Variants in CERS6 observed in about 807,000 individuals in gnomAD.
CERS6 encodes the protein LAG1 homolog, ceramide synthase 6.
Under a neutral mutation model 56.8 loss-of-function variants are expected in CERS6, and 26 were observed. The observed-to-expected ratio is 0.46, with a 90% CI of 0.34 to 0.63. CERS6 has a LOEUF of 0.63. Ranked by LOEUF, CERS6 falls within the 30% of genes least tolerant of loss-of-function variation. The pLI, the probability that CERS6 is intolerant of heterozygous loss-of-function variation, is 0.01. For synonymous variants in CERS6, 164 were observed against 173.3 expected, an observed-to-expected ratio of 0.95 and a Z score of 0.42; for missense variants, 415 against 467.5, an observed-to-expected ratio of 0.89 and a Z score of 1.04.
chr2:168,688,219 T>G (rs1042410548), intron 4 of CERS6, among the ~76,000 whole-genome samples: 1 of 152,202 alleles, frequency 6.6e-6, no homozygotes, highest in Non-Finnish European at 1.5e-5. Context: ...ATATTTCATC[T>G]TTTTAAGTTC....
chr2:168,486,518 G>GT (rs1491580943), intron 1 of CERS6, among the ~76,000 whole-genome samples: 10 of 136,254 alleles, frequency 7.3e-5, no homozygotes, highest in Admixed American at 2.3e-4. Flanking sequence ...GTCTAGATTT[G>GT]GTTTTGTTTT....
intron 3 of CERS6, among the ~76,000 whole-genome samples, chr2:168,568,151 A>G (rs967666497): frequency 1.3e-5 from 2 of 152,248 alleles, no homozygotes; most frequent in African/African-American, 4.8e-5. Context: ...TACCTTGGTC[A>G]GGCTGGCTGC....
At chr2:168,494,729 G>A (rs1028419163) in intron 1 of CERS6, among the ~76,000 whole-genome samples, 6 of 152,070 alleles carry the variant, frequency 3.9e-5, no homozygotes, top group African/African-American at 1.4e-4. Context: ...GTGGTGGCAG[G>A]CTGGACAGGA....
intron 4 of CERS6, among the ~76,000 whole-genome samples, chr2:168,688,355 C>T (rs8179763): frequency 0.021 from 3,216 of 150,734 alleles, 142 homozygotes; most frequent in East Asian, 0.19. Flanking sequence ...ATCATTTGAA[C>T]GCAGGAGGCA....
rs187043291 is a variant in CERS6 at position 168,617,760 on chromosome 2, A to C, written c.408-13225A>C. On this transcript the variant is annotated intron_variant, in intron 3 of 9. Transcript: ENST00000305747. ...AATTAAAAGCTTAGCAACAAAAAAA[A>C]GTCCAAGACCAGATGGATTCACAGC... is the stretch of plus-strand genomic sequence containing the variant. 7.2e-5 allele frequency among the ~76,000 whole-genome samples: 11 copies of C among 152,322 alleles called. No individual in the cohort carries two copies. In the East Asian group the frequency reaches 2.1e-3, roughly 29 times the overall value.
chr2:168,468,771 T>C (rs1693927156), intron 1 of CERS6, among the ~76,000 whole-genome samples: 1 of 152,212 alleles, frequency 6.6e-6, no homozygotes, highest in Non-Finnish European at 1.5e-5. Context: ...CTTTCCCTAT[T>C]CTCTTTTCCC....
chr2:168,511,659 C>G (rs1022346914), intron 1 of CERS6, among the ~76,000 whole-genome samples: 1 of 151,972 alleles, frequency 6.6e-6, no homozygotes, highest in African/African-American at 2.4e-5. Flanking sequence ...GTTCTTTTTT[C>G]TAAAAATGGA....
At chr2:168,594,062 T>G (rs16855568) in intron 3 of CERS6, among the ~76,000 whole-genome samples, 2,864 of 152,364 alleles carry the variant, frequency 0.019, 125 homozygotes, top group East Asian at 0.18. Context: ...ATCCTGTATC[T>G]TTGGGCTTAT....
chr2:168,642,668 G>C (rs1364204390), intron 4 of CERS6, among the ~76,000 whole-genome samples: 2 of 152,176 alleles, frequency 1.3e-5, no homozygotes, highest in African/African-American at 2.4e-5. Flanking sequence ...TTTCCTGGTA[G>C]TATAATGAAA....
At chr2:168,713,586 GCCAAGATGAGGTTCCCTTGAAGCCGA>G (rs1316629909) in intron 6 of CERS6, among the ~76,000 whole-genome samples, 1 of 152,042 alleles carries the variant, frequency 6.6e-6, no homozygotes, top group East Asian at 1.9e-4. Flanking sequence ...CTTCACTGAG[GCCAAGATGAGGTTCCCTTGAAGCCGA>G]CCAAAATAAG....
chr2:168,746,401 A>C (rs1684096688), intron 8 of CERS6, among the ~76,000 whole-genome samples: 1 of 152,062 alleles, frequency 6.6e-6, no homozygotes, highest in Admixed American at 6.6e-5. Context: ...TTGATCATGC[A>C]AGAAGATGTG....
intron 1 of CERS6, among the ~76,000 whole-genome samples, chr2:168,535,034 C>T (rs187048080): frequency 2.2e-4 from 34 of 152,346 alleles, no homozygotes; most frequent in Middle Eastern, 3.4e-3. Flanking sequence ...GTCGGGGACA[C>T]GTCTTGGGAC....
chr2:168,594,198 T>A (rs1460721638), intron 3 of CERS6, among the ~76,000 whole-genome samples: 1 of 152,244 alleles, frequency 6.6e-6, no homozygotes, highest in Non-Finnish European at 1.5e-5. Context: ...AAGCAGAGTT[T>A]ATAAAACTTC....
intron 4 of CERS6, among the ~76,000 whole-genome samples, chr2:168,651,166 G>C (rs1230541209): frequency 6.6e-6 from 1 of 152,138 alleles, no homozygotes; most frequent in Non-Finnish European, 1.5e-5. Context: ...TTACAAAGGG[G>C]TGTGCAGTGA....
chr2:168,657,215 A>T (rs1037265542), intron 4 of CERS6, among the ~76,000 whole-genome samples: 1 of 147,672 alleles, frequency 6.8e-6, no homozygotes, highest in African/African-American at 2.5e-5. Flanking sequence ...AGATATAAAG[A>T]CTCTCCATGT....
intron 3 of CERS6, among the ~76,000 whole-genome samples, chr2:168,626,240 A>C (rs1040471824): frequency 1.3e-5 from 2 of 152,192 alleles, no homozygotes; most frequent in Non-Finnish European, 2.9e-5. Flanking sequence ...AGAAGAACTC[A>C]GGGGATAGAG....
chr2:168,672,424 A>G, intron 4 of CERS6, among the ~76,000 whole-genome samples: 1 of 152,250 alleles, frequency 6.6e-6, no homozygotes, highest in Non-Finnish European at 1.5e-5. Flanking sequence ...CTAATATTGT[A>G]GACATCAGCG....
chr2:168,735,712 C>A (rs990467396), intron 8 of CERS6, among the ~76,000 whole-genome samples: 1 of 149,900 alleles, frequency 6.7e-6, no homozygotes, highest in African/African-American at 2.5e-5. Flanking sequence ...CCCATCTCTA[C>A]TAAAAATTTA....
intron 4 of CERS6, among the ~76,000 whole-genome samples, chr2:168,650,320 C>T (rs1685312473): frequency 6.6e-6 from 1 of 152,162 alleles, no homozygotes; most frequent in Non-Finnish European, 1.5e-5. Context: ...CCAACAGTCC[C>T]AGGAGGGAGC....
Sources: allele counts gnomAD v4.1 joint callset (sites outside exome capture counted in the v4.1 genomes callset), GRCh38; gene constraint gnomAD v4.1.1; transcripts MANE v1.5; gene names NCBI Gene and HGNC (gene_info 2026-07-23, HGNC 2026-07-21).